Variants in ZBTB20 observed in about 807,000 individuals in gnomAD.
ZBTB20 encodes the protein zinc finger and BTB domain-containing protein 20.
In ZBTB20, 9 loss-of-function variants were observed where a neutral mutation model predicts 56.9. That is an observed-to-expected ratio of 0.16 (90% CI 0.10 to 0.28). ZBTB20 has a LOEUF of 0.28. Among genes scored for constraint, ZBTB20 ranks in the 10% least tolerant of loss-of-function variants. The probability of loss-of-function intolerance (pLI) is 1.00; values close to 1 mark genes in which losing one functional copy is unlikely to be tolerated. For synonymous variants in ZBTB20, 417 were observed against 420.7 expected, an observed-to-expected ratio of 0.99 and a Z score of 0.11; for missense variants, 655 against 1,003.0, an observed-to-expected ratio of 0.65 and a Z score of 4.69.
In ZBTB20 at chr3:114,644,766, T is replaced by C. The variant is rs552797411; in HGVS notation, c.-295+48762A>G. On this transcript the variant is annotated intron_variant, in intron 6 of 11. Coordinates refer to ENST00000675478, the MANE Select transcript of ZBTB20 (RefSeq NM_001348800.3). ...AATATTCCTATGGACTAAATCTGCA[T>C]ATGCACCCTCTGTATCTAAAATAAA... 9.2e-5 allele frequency among the ~76,000 whole-genome samples: 14 copies of C among 152,204 alleles called. No individual in the cohort carries two copies. The East Asian group carries it at 1.5e-3, about 17-fold the overall frequency.
chr3:114,327,945 G>A lies in ZBTB20; in HGVS notation c.*11060C>T, dbSNP rs1181716882. 1 of 152,136 alleles carries A rather than the reference G, an allele frequency of 6.6e-6. No homozygotes were observed. Among genetic ancestry groups the A allele is most frequent in the East Asian group, 1.9e-4 (1 of 5,192 alleles). The allele number at this position is 152,136 out of a possible 1,614,324, so 9.4% of individuals were successfully genotyped here. ...ATCCTGAAAAGGATACACCCAGAATGGTATCAGTCAGTCTTTTGGGCAATG... is the reference window on the plus strand; with the variant it reads ...ATCCTGAAAAGGATACACCCAGAATAGTATCAGTCAGTCTTTTGGGCAATG... On this transcript the variant is annotated 3_prime_UTR_variant, in exon 12 of 12. Transcript: ENST00000675478.
chr3:114,850,347 G>A (rs1033895066), intron 4 of ZBTB20, among the ~76,000 whole-genome samples: 13 of 152,160 alleles, frequency 8.5e-5, no homozygotes, highest in Non-Finnish European at 1.8e-4. Flanking sequence ...ATTTTTCATA[G>A]GGAGTAGATG....
intron 5 of ZBTB20, among the ~76,000 whole-genome samples, chr3:114,700,426 T>C (rs1395353848): frequency 1.3e-5 from 2 of 152,130 alleles, no homozygotes; most frequent in African/African-American, 4.8e-5. Context: ...TAGGCTTCCC[T>C]ATAGAAAGTT....
chr3:115,100,788 T>A (rs2083559256), intron 1 of ZBTB20, among the ~76,000 whole-genome samples: 1 of 152,220 alleles, frequency 6.6e-6, no homozygotes, highest in Non-Finnish European at 1.5e-5. Context: ...TTTAAATTTA[T>A]TTTTAATGTG....
At chr3:114,999,938 T>C (rs998811275) in intron 2 of ZBTB20, among the ~76,000 whole-genome samples, 3 of 151,714 alleles carry the variant, frequency 2.0e-5, no homozygotes, top group African/African-American at 7.2e-5. Context: ...AGCATCAACT[T>C]TGAATTCATT....
At chr3:114,835,382 T>G (rs936360155) in intron 4 of ZBTB20, among the ~76,000 whole-genome samples, 2 of 152,152 alleles carry the variant, frequency 1.3e-5, no homozygotes, top group South Asian at 2.1e-4. Flanking sequence ...GTCAAAAAAG[T>G]TGTTTTTTTA....
intron 5 of ZBTB20, among the ~76,000 whole-genome samples, chr3:114,788,283 T>C (rs2070702191): frequency 6.6e-6 from 1 of 152,122 alleles, no homozygotes; most frequent in Non-Finnish European, 1.5e-5. Flanking sequence ...GTTATGCAAG[T>C]ATCAAAACCA....
intron 5 of ZBTB20, among the ~76,000 whole-genome samples, chr3:114,728,700 G>T (rs2065491432): frequency 1.3e-5 from 2 of 152,176 alleles, no homozygotes; most frequent in South Asian, 4.1e-4. Context: ...TAGACTGAAA[G>T]AAAGCACATA....
chr3:114,826,616 C>T (rs1008474178), intron 4 of ZBTB20, among the ~76,000 whole-genome samples: 1 of 151,544 alleles, frequency 6.6e-6, no homozygotes, highest in African/African-American at 2.4e-5. Context: ...CATATGGGTC[C>T]CTCCACTTTT....
chr3:114,475,290 T>C lies in ZBTB20; in HGVS notation c.-255+25062A>G, dbSNP rs536034038. ...CATCTTTTCTGATGAAGCCCTCAGT[T>C]AGCCCTCCTCTGAGCTCCAAGAATA... On this transcript the variant is annotated intron_variant, in intron 7 of 11. Coordinates refer to ENST00000675478, the MANE Select transcript of ZBTB20 (RefSeq NM_001348800.3). Among the ~76,000 whole-genome samples the C allele has an allele frequency of 4.6e-5, 7 of 152,252 alleles. No individual in the cohort carries two copies. In the South Asian group the frequency reaches 1.4e-3, roughly 32 times the overall value.
chr3:114,368,997 G>A, intron 10 of ZBTB20, among the ~76,000 whole-genome samples: 1 of 152,110 alleles, frequency 6.6e-6, no homozygotes, highest in East Asian at 1.9e-4. Context: ...ACTTCTAAAA[G>A]TTTTAGTTTA....
At chr3:115,139,627 G>A (rs766685943) in intron 1 of ZBTB20, among the ~76,000 whole-genome samples, 48 of 152,044 alleles carry the variant, frequency 3.2e-4, no homozygotes, top group Non-Finnish European at 5.5e-4. Flanking sequence ...GTATACCTAT[G>A]TTTTGCTTAG....
At chr3:114,906,979 T>C (rs1358338625) in intron 3 of ZBTB20, among the ~76,000 whole-genome samples, 1 of 151,834 alleles carries the variant, frequency 6.6e-6, no homozygotes, top group Non-Finnish European at 1.5e-5. Flanking sequence ...AATAAAATAA[T>C]TGCTACTATT....
At chr3:114,438,570 G>T (rs2090696167) in intron 7 of ZBTB20, among the ~76,000 whole-genome samples, 3 of 152,136 alleles carry the variant, frequency 2.0e-5, no homozygotes, top group Non-Finnish European at 4.4e-5. Context: ...ACCACATTAT[G>T]TGGACAGAAA....
In ZBTB20 at chr3:114,590,954, A is replaced by T. The variant is rs527674977; in HGVS notation, c.-294-90563T>A. ...TATTAATAACCTATCTCATTATCAAACCTTAAGATTTTCTGTTGCAGCATA... is the reference window on the plus strand; with the variant it reads ...TATTAATAACCTATCTCATTATCAATCCTTAAGATTTTCTGTTGCAGCATA... On this transcript the variant is annotated intron_variant, in intron 6 of 11. Coordinates refer to ENST00000675478, the MANE Select transcript of ZBTB20 (RefSeq NM_001348800.3). 1.3e-5 allele frequency among the ~76,000 whole-genome samples: 2 copies of T among 152,232 alleles called. 1 individual carries two copies. The highest frequency in any genetic ancestry group is 4.1e-4 in the South Asian group (2 of 4,826).
At chr3:114,694,815 A>G (rs1306520358) in intron 5 of ZBTB20, among the ~76,000 whole-genome samples, 1 of 152,124 alleles carries the variant, frequency 6.6e-6, no homozygotes, top group African/African-American at 2.4e-5. Flanking sequence ...AAGAACCTCT[A>G]GGAAAGATGT....
At chr3:114,743,945 G>A (rs780330680) in intron 5 of ZBTB20, among the ~76,000 whole-genome samples, 7 of 138,578 alleles carry the variant, frequency 5.1e-5, no homozygotes, top group Admixed American at 3.6e-4. Context: ...ATGTGTAGAC[G>A]AGGCACAAGT....
chr3:114,374,665 G>A (rs1255373989), intron 10 of ZBTB20, among the ~76,000 whole-genome samples: 1 of 152,204 alleles, frequency 6.6e-6, no homozygotes, highest in South Asian at 2.1e-4. Flanking sequence ...AGCTGCTCCT[G>A]TGGGATTCCA....
At chr3:114,817,950 T>C (rs2073037396) in intron 4 of ZBTB20, among the ~76,000 whole-genome samples, 1 of 152,154 alleles carries the variant, frequency 6.6e-6, no homozygotes, top group Non-Finnish European at 1.5e-5. Flanking sequence ...AAAATAAATC[T>C]ATGTAAATAC....
Sources: allele counts gnomAD v4.1 joint callset (sites outside exome capture counted in the v4.1 genomes callset), GRCh38; gene constraint gnomAD v4.1.1; transcripts MANE v1.5; gene names NCBI Gene and HGNC (gene_info 2026-07-23, HGNC 2026-07-21).